PPP1R9A: variants seen among roughly 807,000 people sequenced by gnomAD.
PPP1R9A encodes the protein neurabin-1.
PPP1R9A carries 59 observed loss-of-function variants against 141.9 expected under a neutral mutation model. That is an observed-to-expected ratio of 0.42 (90% CI 0.34 to 0.52). PPP1R9A has a LOEUF of 0.52. PPP1R9A is among the 20% of genes least tolerant of loss of function. The pLI is 0.10. For missense variants in PPP1R9A, 1,444 were observed against 1,611.9 expected (o/e 0.90, Z 1.78); for synonymous variants, 500 against 569.7 (o/e 0.88, Z 1.74).
rs985344067 is a variant in PPP1R9A at position 95,110,651 on chromosome 7, A to G, written c.1396-608A>G. Among the ~76,000 whole-genome samples the G allele has an allele frequency of 2.6e-5, 4 of 152,216 alleles. No homozygotes were observed. In the South Asian group the frequency reaches 6.2e-4, roughly 24 times the overall value. Reference sequence around the variant, plus strand: ...ATGTAGGTAAGAAATAAACAGCTTCAATATCCTGTTTGCTGTACAGCCCTT... The same window carrying G: ...ATGTAGGTAAGAAATAAACAGCTTCGATATCCTGTTTGCTGTACAGCCCTT... On this transcript the variant is annotated intron_variant, in intron 2 of 19. Coordinates refer to ENST00000433360, the MANE Select transcript of PPP1R9A (RefSeq NM_001166160.2).
intron 2 of PPP1R9A, among the ~76,000 whole-genome samples, chr7:95,010,790 C>G (rs1355595555): frequency 6.6e-6 from 1 of 151,850 alleles, no homozygotes; most frequent in South Asian, 2.1e-4. Flanking sequence ...CTATTTGAAC[C>G]AGGTACTATT....
At chr7:95,024,326 T>G (rs1326941966) in intron 2 of PPP1R9A, among the ~76,000 whole-genome samples, 2 of 152,120 alleles carry the variant, frequency 1.3e-5, no homozygotes, top group African/African-American at 4.8e-5. Context: ...GTCCTGAATA[T>G]CCTTGTTAAT....
At chr7:95,266,957 A>T (rs1432689585) in intron 12 of PPP1R9A, among the ~76,000 whole-genome samples, 2 of 152,166 alleles carry the variant, frequency 1.3e-5, no homozygotes, top group African/African-American at 4.8e-5. Context: ...ACATGTAAAA[A>T]GTAAAGAGAC....
chr7:95,070,350 A>T (rs746624324), intron 2 of PPP1R9A, among the ~76,000 whole-genome samples: 27 of 152,008 alleles, frequency 1.8e-4, no homozygotes, highest in Non-Finnish European at 1.8e-4. Flanking sequence ...TCGAATGGAG[A>T]TACATCTTAA....
rs959980299 is a variant in PPP1R9A, at chr7:95,008,220, G to A, written c.1395+96712G>A. Reference sequence around the variant, plus strand: ...CTCAGCTGAGAATCAGATGCCTTTGGTGGGTTGTAGTTTGATGGTACTCTT... The same window carrying A: ...CTCAGCTGAGAATCAGATGCCTTTGATGGGTTGTAGTTTGATGGTACTCTT... On this transcript the variant is annotated intron_variant, in intron 2 of 19. Coordinates refer to ENST00000433360, the MANE Select transcript of PPP1R9A (RefSeq NM_001166160.2). Among the ~76,000 whole-genome samples, 13 of 152,232 alleles carry A rather than the reference G, an allele frequency of 8.5e-5. No individual in the cohort carries two copies. The East Asian group carries it at 2.3e-3, about 27-fold the overall frequency.
chr7:95,288,053 T>TG (rs1434583737), intron 18 of PPP1R9A, among the ~76,000 whole-genome samples: 1 of 152,186 alleles, frequency 6.6e-6, no homozygotes, highest in Non-Finnish European at 1.5e-5. Flanking sequence ...GTTTGCTTGC[T>TG]GCTCAAGTGA....
chr7:94,974,836 A>C (rs1042065321), intron 2 of PPP1R9A, among the ~76,000 whole-genome samples: 4 of 151,264 alleles, frequency 2.6e-5, no homozygotes, highest in African/African-American at 9.7e-5. Flanking sequence ...TATAGAGAAG[A>C]GAAAGTTATA....
At chr7:94,956,931 A>G (rs1475611012) in intron 2 of PPP1R9A, among the ~76,000 whole-genome samples, 2 of 152,210 alleles carry the variant, frequency 1.3e-5, no homozygotes, top group Non-Finnish European at 2.9e-5. Flanking sequence ...AGATAACTGC[A>G]TACTGAAGTA....
Position 94,988,159 on chromosome 7 carries a change from C to A in PPP1R9A, c.1395+76651C>A, listed in dbSNP as rs145109488. ...TTTGGTCTTTATTACAATTAAAATA[C>A]CAGAAAATTTTGTTAGAAGGAGATA... On this transcript the variant is annotated intron_variant, in intron 2 of 19. Transcript: ENST00000433360. Among the ~76,000 whole-genome samples, 921 of 151,956 alleles carry A rather than the reference C, an allele frequency of 6.1e-3. 10 individuals are homozygous for A. Among genetic ancestry groups the A allele is most frequent in the African/African-American group, 0.021 (858 of 41,480 alleles).
intron 2 of PPP1R9A, among the ~76,000 whole-genome samples, chr7:94,938,387 C>T (rs896596080): frequency 1.3e-5 from 2 of 152,054 alleles, no homozygotes; most frequent in Non-Finnish European, 2.9e-5. Flanking sequence ...ATAAGTACTT[C>T]AGAGATTTTG....
chr7:95,149,603 A>T (rs1009564173), intron 4 of PPP1R9A, among the ~76,000 whole-genome samples: 1 of 152,008 alleles, frequency 6.6e-6, no homozygotes, highest in African/African-American at 2.4e-5. Flanking sequence ...ATTGGAAATT[A>T]AAAACATATT....
At chr7:95,046,936 A>G (rs1379398789) in intron 2 of PPP1R9A, among the ~76,000 whole-genome samples, 1 of 152,210 alleles carries the variant, frequency 6.6e-6, no homozygotes, top group Admixed American at 6.6e-5. Context: ...TTTGCAGCCA[A>G]CTGTGACCAC....
intron 2 of PPP1R9A, among the ~76,000 whole-genome samples, chr7:94,991,120 A>T (rs1437979018): frequency 6.6e-6 from 1 of 152,216 alleles, no homozygotes; most frequent in Non-Finnish European, 1.5e-5. Flanking sequence ...ACTGTTCTTC[A>T]TAGTGGCTGT....
At chr7:94,970,331 A>G (rs965154511) in intron 2 of PPP1R9A, among the ~76,000 whole-genome samples, 1 of 152,202 alleles carries the variant, frequency 6.6e-6, no homozygotes, top group Non-Finnish European at 1.5e-5. Flanking sequence ...TGGGAAAAGT[A>G]TAGTATCTGG....
chr7:95,277,182 C>G (rs1166123608), intron 16 of PPP1R9A, among the ~76,000 whole-genome samples: 1 of 152,150 alleles, frequency 6.6e-6, no homozygotes, highest in Non-Finnish European at 1.5e-5. Flanking sequence ...TCAGCTATAA[C>G]CTATGGCTGT....
chr7:95,120,594 A>G, intron 3 of PPP1R9A, 118 bp from the exon 4 acceptor site: 3 of 1,130,502 alleles, frequency 2.7e-6, no homozygotes, highest in Non-Finnish European at 2.5e-6. Flanking sequence ...CAAGCATGTT[A>G]TTGTCCTATC....
chr7:95,129,101 T>C (rs1313104668), intron 4 of PPP1R9A, among the ~76,000 whole-genome samples: 1 of 152,212 alleles, frequency 6.6e-6, no homozygotes, highest in African/African-American at 2.4e-5. Context: ...ATTTATTGCA[T>C]AGGGAGTCCT....
chr7:95,127,506 T>C (rs1823774020), intron 4 of PPP1R9A, among the ~76,000 whole-genome samples: 1 of 96,258 alleles, frequency 1.0e-5, no homozygotes, highest in Non-Finnish European at 2.0e-5. Context: ...TTTTTTTCTT[T>C]CTTTTTTTTT....
intron 2 of PPP1R9A, among the ~76,000 whole-genome samples, chr7:95,061,741 A>G (rs1302848959): frequency 6.6e-6 from 1 of 152,148 alleles, no homozygotes; most frequent in Non-Finnish European, 1.5e-5. Flanking sequence ...TGTCGAATGA[A>G]TGAATGAAAA....
Sources: allele counts gnomAD v4.1 joint callset (sites outside exome capture counted in the v4.1 genomes callset), GRCh38; gene constraint gnomAD v4.1.1; transcripts MANE v1.5; gene names NCBI Gene and HGNC (gene_info 2026-07-23, HGNC 2026-07-21).